Variants in ATXN2L observed in about 807,000 individuals in gnomAD.
ATXN2L encodes ataxin 2 like, also known as ataxin-2-like protein.
A neutral mutation model predicts 120.7 loss-of-function variants in ATXN2L; 24 were observed. That is an observed-to-expected ratio of 0.20 (90% CI 0.14 to 0.28). The LOEUF is 0.28. Ranked by LOEUF, ATXN2L falls within the 10% of genes least tolerant of loss-of-function variation. The probability of loss-of-function intolerance (pLI) is 1.00; values close to 1 mark genes in which losing one functional copy is unlikely to be tolerated. For missense variants in ATXN2L, 1,312 were observed against 1,432.3 expected (o/e 0.92, Z 1.36); for synonymous variants, 653 against 568.1 (o/e 1.15, Z -2.13).
chr16:28,831,042 G>A lies in ATXN2L; in HGVS notation c.1291G>A (p.Gly431Arg). 1 of 1,611,468 alleles carries A rather than the reference G, an allele frequency of 6.2e-7. No homozygotes were observed. The highest frequency in any genetic ancestry group is 2.2e-5 in the East Asian group (1 of 44,850). The change falls in exon 10 of 22, where the codon GGA becomes AGA. Residue 431 changes from glycine (G) to arginine (R), a missense_variant. Physicochemically the swap from Gly to Arg is moderately radical, Grantham distance 125 (BLOSUM62 -2). Coordinates refer to ENST00000336783, the MANE Select transcript of ATXN2L (RefSeq NM_007245.4). ...GTCTTCGCCCAGTAATAGGCCTTCT[G>A]GAGAAACTTCTGTTCCACCTCCTCC... ...TLSSPSNRPS[G>R]ETSVPPPPAV...
At position 28,823,565 on chromosome 16, in the gene ATXN2L, AGG is replaced by A; in HGVS notation, c.299+9_299+10del. The A allele has an allele frequency of 7.5e-7, 1 of 1,340,878 alleles. No individual in the cohort carries two copies. Among genetic ancestry groups the A allele is most frequent in the East Asian group, 3.1e-5 (1 of 32,222 alleles). 83.1% of individuals were successfully genotyped at this position (1,340,878 alleles called of 1,614,324 possible). On this transcript the variant is annotated splice_region_variant and intron_variant, in intron 1 of 21. Coordinates refer to ENST00000336783, the MANE Select transcript of ATXN2L (RefSeq NM_007245.4). ...CCGCCATCGGCAGCGCCAGGTGAGA[AGG>A]GTGGGCTCCGGGCGAGGGAGCCGCG... is the stretch of plus-strand genomic sequence containing the variant.
chr16:28,824,195 C>T (rs1447919164), intron 1 of ATXN2L: 3 of 1,031,992 alleles, frequency 2.9e-6, no homozygotes, highest in African/African-American at 3.5e-5. Flanking sequence ...CATTCGCGCG[C>T]CCCGGGAACA....
intron 6 of ATXN2L, among the ~76,000 whole-genome samples, chr16:28,827,855 C>T (rs550921153): frequency 6.6e-6 from 1 of 152,328 alleles, no homozygotes; most frequent in African/African-American, 2.4e-5. Context: ...TGCACTATGA[C>T]TCAACTTGTG....
In ATXN2L at chr16:28,826,778, C is replaced by A. The variant is rs993017814; in HGVS notation, c.617-84C>A. On this transcript the variant is annotated intron_variant, in intron 5 of 21. Coordinates refer to ENST00000336783, the MANE Select transcript of ATXN2L (RefSeq NM_007245.4). ...CTTCTTAAACTTTGTTCCTGAACTA[C>A]TTACGGAGAGTGGGGTTGGGGGATA... is the stretch of plus-strand genomic sequence containing the variant. The A allele has an allele frequency of 2.1e-6, 3 of 1,445,454 alleles. No homozygotes were observed. In the Admixed American group the frequency reaches 7.1e-5, roughly 34 times the overall value. The allele number at this position is 1,445,454 out of a possible 1,614,324, so 89.5% of individuals were successfully genotyped here.
At chr16:28,824,641 A>C (rs2051115618) in intron 1 of ATXN2L, 5 of 1,164,522 alleles carry the variant, frequency 4.3e-6, no homozygotes, top group Non-Finnish European at 4.4e-6. Context: ...GCTGAAAATG[A>C]TTGTCTTTTC....
rs1236338710 is a variant in ATXN2L at position 28,833,258 on chromosome 16, G to A, written c.1859G>A (p.Gly620Glu). 18 of 1,614,188 alleles carry A rather than the reference G, an allele frequency of 1.1e-5. No homozygotes were observed. The highest frequency in any genetic ancestry group is 1.4e-5 in the Non-Finnish European group (17 of 1,180,038). The change falls in exon 14 of 22, where the codon GGG becomes GAG. Residue 620 changes from glycine (G) to glutamate (E), a missense_variant. Gly to Glu is a moderately conservative substitution (Grantham distance 98). Transcript: ENST00000336783. ...PPLAPSGGTE[G>E]PEQPPPPCPS... is the part of the protein sequence containing the mutation. The stretch of plus-strand genomic sequence containing the variant: ...CTGGCACCATCAGGAGGCACTGAGG[G>A]GCCAGAGCAGCCCCCACCACCTTGT...
intron 1 of ATXN2L, 39 bp from the exon 2 acceptor site, chr16:28,825,327 C>A: frequency 6.2e-7 from 1 of 1,604,146 alleles, no homozygotes; most frequent in East Asian, 2.2e-5. Context: ...TCTAAGAGGG[C>A]TTGAACAGAC....
chr16:28,825,508 G>A lies in ATXN2L; in HGVS notation c.336+106G>A, dbSNP rs993398172. 2.2e-5 allele frequency: 34 copies of A among 1,527,412 alleles called. No homozygotes were observed. In the East Asian group the frequency reaches 7.4e-4, roughly 33 times the overall value. 94.6% of individuals were successfully genotyped at this position (1,527,412 alleles called of 1,614,324 possible). A position where few individuals can be genotyped will look rare whatever the true frequency, so the allele number is the denominator to read the frequency against. On this transcript the variant is annotated intron_variant, in intron 2 of 21. Coordinates refer to ENST00000336783, the MANE Select transcript of ATXN2L (RefSeq NM_007245.4). ...AGATAGAGTCTAATGTACTCAGGAG[G>A]GCTGTGGGCCCGGCACACACAAGGC...
chr16:28,828,057 A>C (rs1467926994), intron 6 of ATXN2L, among the ~76,000 whole-genome samples: 2 of 152,228 alleles, frequency 1.3e-5, no homozygotes, highest in East Asian at 3.8e-4. Context: ...CTGTTTTCAA[A>C]TATACACACA....
intron 8 of ATXN2L, 73 bp from the exon 9 acceptor site, chr16:28,830,542 A>G: frequency 7.0e-7 from 1 of 1,426,064 alleles, no homozygotes; most frequent in Non-Finnish European, 9.5e-7. Flanking sequence ...GAGACTTTAG[A>G]AGAAGAAATG....
In ATXN2L at chr16:28,833,109, G is replaced by T. The variant is rs1191034220; in HGVS notation, c.1710G>T (p.Arg570=). The change falls in exon 14 of 22, where the codon CGG becomes CGT. Residue 570 remains arginine, a synonymous_variant. Coordinates refer to ENST00000336783, the MANE Select transcript of ATXN2L (RefSeq NM_007245.4). ...PENSLDPFPP[R]ILKEEPKGKE... ...ACAGCCTGGATCCTTTTCCTCCCCGGATCTTAAAGGAGGAGCCCAAAGGAA... is the reference window on the plus strand; with the variant it reads ...ACAGCCTGGATCCTTTTCCTCCCCGTATCTTAAAGGAGGAGCCCAAAGGAA... 3 of 1,614,182 alleles carry T rather than the reference G, an allele frequency of 1.9e-6. No individual in the cohort carries two copies. The highest frequency in any genetic ancestry group is 2.2e-5 in the East Asian group (1 of 44,886).
chr16:28,828,951 C>G (rs2053319018), intron 6 of ATXN2L, among the ~76,000 whole-genome samples: 1 of 152,110 alleles, frequency 6.6e-6, no homozygotes, highest in South Asian at 2.1e-4. Flanking sequence ...CCATGTTGGT[C>G]AGGTTGATCT....
chr16:28,836,608 A>ACCTTGAGGAGG lies in ATXN2L; in HGVS notation c.*346_*356dup. The ACCTTGAGGAGG allele has an allele frequency of 6.3e-7, 1 of 1,589,646 alleles. No homozygotes were observed. The highest frequency in any genetic ancestry group is 8.5e-7 in the Non-Finnish European group (1 of 1,170,814). On this transcript the variant is annotated 3_prime_UTR_variant, in exon 22 of 22. Transcript: ENST00000336783. Reference sequence around the variant, plus strand: ...CTGTGCTTCTGACAGCCCCCGAGACACCTTGAGGAGGCCGCTCCTTCCCAG... The same window carrying ACCTTGAGGAGG: ...CTGTGCTTCTGACAGCCCCCGAGACACCTTGAGGAGGCCTTGAGGAGGCCGCTCCTTCCCAG...
intron 8 of ATXN2L, among the ~76,000 whole-genome samples, chr16:28,830,330 A>G (rs560957370): frequency 6.6e-6 from 1 of 152,332 alleles, no homozygotes; most frequent in East Asian, 1.9e-4. Context: ...TTTAAAAACT[A>G]TCCCTGGAAC....
At chr16:28,824,725 C>T (rs1206459636) in intron 1 of ATXN2L, 5 of 524,344 alleles carry the variant, frequency 9.5e-6, no homozygotes, top group Non-Finnish European at 1.4e-5. Context: ...TCACAGCTGG[C>T]GTGGCTTTTT....
Position 28,823,573 on chromosome 16 carries a change from C to G in ATXN2L, c.299+15C>G. ...GGCAGCGCCAGGTGAGAAGGGTGGG[C>G]TCCGGGCGAGGGAGCCGCGGCCACC... On this transcript the variant is annotated intron_variant, in intron 1 of 21. Transcript: ENST00000336783. The G allele has an allele frequency of 7.6e-7, 1 of 1,320,318 alleles. No individual in the cohort carries two copies. Among genetic ancestry groups the G allele is most frequent in the Admixed American group, 4.1e-5 (1 of 24,690 alleles). The allele number at this position is 1,320,318 out of a possible 1,614,324, so 81.8% of individuals were successfully genotyped here.
chr16:28,824,412 G>A (rs1225866025), intron 1 of ATXN2L: 1 of 1,280,166 alleles, frequency 7.8e-7, no homozygotes. Context: ...ACCGGGCGAG[G>A]CCTCCCGGTG....
intron 10 of ATXN2L, among the ~76,000 whole-genome samples, chr16:28,831,418 C>T (rs375125614): frequency 2.6e-4 from 39 of 152,294 alleles, no homozygotes; most frequent in African/African-American, 8.4e-4. Context: ...GCCTCCACCC[C>T]TCAGATTCAA....
At chr16:28,834,285 G>A (rs2152099715) in intron 16 of ATXN2L, 58 bp from the exon 17 acceptor site, 1 of 1,611,926 alleles carries the variant, frequency 6.2e-7, no homozygotes, top group Middle Eastern at 1.7e-4. Flanking sequence ...GACCAGGTCA[G>A]GCCTGTCTGG....
Sources: gnomAD v4.1 joint callset for allele counts (sites outside exome capture counted in the v4.1 genomes callset) on GRCh38, gnomAD v4.1.1 for gene constraint, MANE v1.5 for transcripts, NCBI Gene and HGNC (gene_info 2026-07-23, HGNC 2026-07-21) for gene names.